Variants in ADAMTS6 observed in about 807,000 individuals in gnomAD.
The protein encoded by ADAMTS6 is A disintegrin and metalloproteinase with thrombospondin motifs 6.
Under a neutral mutation model 144.3 loss-of-function variants are expected in ADAMTS6, and 23 were observed. That is an observed-to-expected ratio of 0.16 (90% CI 0.11 to 0.23). ADAMTS6 has a LOEUF of 0.23. Ranked by LOEUF, ADAMTS6 falls within the 10% of genes least tolerant of loss-of-function variation. The pLI, the probability that ADAMTS6 is intolerant of heterozygous loss-of-function variation, is 1.00. For synonymous variants in ADAMTS6, 444 were observed against 457.5 expected (o/e 0.97, Z 0.38); for missense variants, 999 against 1,379.6 (o/e 0.72, Z 4.37).
At chr5:65,390,558 A>G (rs558885940) in intron 7 of ADAMTS6, among the ~76,000 whole-genome samples, 1 of 152,366 alleles carries the variant, frequency 6.6e-6, no homozygotes, top group South Asian at 2.1e-4. Context: ...AGGCCATTGA[A>G]AAGAATGTAT....
intron 7 of ADAMTS6, among the ~76,000 whole-genome samples, chr5:65,442,674 T>C (rs1025435948): frequency 1.3e-5 from 2 of 152,104 alleles, no homozygotes; most frequent in African/African-American, 4.8e-5. Context: ...TCTAACTATA[T>C]ATATATTTTT....
chr5:65,194,412 G>C (rs1755206697), intron 21 of ADAMTS6, among the ~76,000 whole-genome samples: 1 of 152,186 alleles, frequency 6.6e-6, no homozygotes, highest in African/African-American at 2.4e-5. Flanking sequence ...AGTGTACTGT[G>C]TTGCCAGATG....
intron 12 of ADAMTS6, among the ~76,000 whole-genome samples, chr5:65,265,299 C>T (rs756448151): frequency 6.6e-6 from 1 of 152,030 alleles, no homozygotes; most frequent in Non-Finnish European, 1.5e-5. Flanking sequence ...AGTATCAACC[C>T]TGTGATCAGG....
At chr5:65,186,723 A>G (rs1298586896) in intron 22 of ADAMTS6, among the ~76,000 whole-genome samples, 1 of 152,230 alleles carries the variant, frequency 6.6e-6, no homozygotes, top group East Asian at 1.9e-4. Context: ...AATACCAAGG[A>G]TATCTCTACA....
In ADAMTS6 at chr5:65,175,507, G is replaced by A. The variant is rs527796587; in HGVS notation, c.2911-2499C>T. 6.5e-3 allele frequency among the ~76,000 whole-genome samples: 992 copies of A among 152,216 alleles called. 6 individuals are homozygous for A. The highest frequency in any genetic ancestry group is 0.017 in the Middle Eastern group (5 of 294). On this transcript the variant is annotated intron_variant, in intron 22 of 24. Transcript: ENST00000381055. ...CCCTGTAACACTCTAATACCACTTTGTTGTCAGTGTAAACAAGGGCGTATT... is the reference window on the plus strand; with the variant it reads ...CCCTGTAACACTCTAATACCACTTTATTGTCAGTGTAAACAAGGGCGTATT...
intron 10 of ADAMTS6, among the ~76,000 whole-genome samples, chr5:65,292,846 C>A (rs571172810): frequency 1.4e-5 from 2 of 147,626 alleles, no homozygotes; most frequent in South Asian, 4.2e-4. Flanking sequence ...AGGTATCTAA[C>A]TAACTAACTA....
At chr5:65,277,363 G>T (rs904015918) in intron 11 of ADAMTS6, among the ~76,000 whole-genome samples, 13 of 152,162 alleles carry the variant, frequency 8.5e-5, no homozygotes, top group Non-Finnish European at 1.6e-4. Context: ...CAAATGGCAT[G>T]GATTGGTATT....
At chr5:65,449,634 T>TA (rs1758582506) in intron 7 of ADAMTS6, among the ~76,000 whole-genome samples, 1 of 151,372 alleles carries the variant, frequency 6.6e-6, no homozygotes, top group South Asian at 2.1e-4. Flanking sequence ...AATAAATAAA[T>TA]AAATAAAATA....
At chr5:65,319,920 T>C (rs527670009) in intron 9 of ADAMTS6, among the ~76,000 whole-genome samples, 1 of 152,330 alleles carries the variant, frequency 6.6e-6, no homozygotes, top group African/African-American at 2.4e-5. Flanking sequence ...CTTGGCTCAC[T>C]GCAACCTCTG....
At chr5:65,163,918 T>G (rs574425697) in intron 24 of ADAMTS6, among the ~76,000 whole-genome samples, 3 of 152,336 alleles carry the variant, frequency 2.0e-5, no homozygotes, top group Admixed American at 2.0e-4. Flanking sequence ...AGAAATTACT[T>G]TCATTTAAAT....
At chr5:65,229,815 G>A (rs1453690934) in intron 15 of ADAMTS6, among the ~76,000 whole-genome samples, 1 of 152,038 alleles carries the variant, frequency 6.6e-6, no homozygotes, top group African/African-American at 2.4e-5. Flanking sequence ...GGAATCTTAG[G>A]TGGAAAAGAA....
intron 20 of ADAMTS6, among the ~76,000 whole-genome samples, chr5:65,202,686 T>C (rs1399935055): frequency 6.6e-6 from 1 of 152,212 alleles, no homozygotes; most frequent in Non-Finnish European, 1.5e-5. Flanking sequence ...CTTTTCCTGA[T>C]CCTCACTGAT....
intron 15 of ADAMTS6, among the ~76,000 whole-genome samples, chr5:65,241,509 G>A (rs1759181899): frequency 6.6e-6 from 1 of 152,012 alleles, no homozygotes; most frequent in African/African-American, 2.4e-5. Flanking sequence ...GGGATTACAG[G>A]AATAAGCCAC....
chr5:65,252,156 G>A (rs1227601994), intron 14 of ADAMTS6, among the ~76,000 whole-genome samples: 2 of 151,992 alleles, frequency 1.3e-5, no homozygotes, highest in African/African-American at 4.8e-5. Flanking sequence ...CACATAGGAG[G>A]AATATCAAAG....
chr5:65,171,663 G>GTAC (rs1392534217), intron 23 of ADAMTS6, among the ~76,000 whole-genome samples: 1 of 151,990 alleles, frequency 6.6e-6, no homozygotes, highest in Non-Finnish European at 1.5e-5. Context: ...TATTAGTTCA[G>GTAC]TGTAATAGCA....
chr5:65,203,676 C>T (rs1424428297), intron 20 of ADAMTS6, among the ~76,000 whole-genome samples: 1 of 152,086 alleles, frequency 6.6e-6, no homozygotes, highest in Non-Finnish European at 1.5e-5. Flanking sequence ...TAAAAATCTT[C>T]ATTTTCTTCA....
At chr5:65,338,679 G>A (rs1747540595) in intron 7 of ADAMTS6, among the ~76,000 whole-genome samples, 1 of 151,448 alleles carries the variant, frequency 6.6e-6, no homozygotes, top group African/African-American at 2.4e-5. Context: ...TGAGCCCAGA[G>A]CCAGGAATAT....
chr5:65,246,591 G>A (rs566733973), intron 14 of ADAMTS6, among the ~76,000 whole-genome samples: 75 of 152,144 alleles, frequency 4.9e-4, no homozygotes, highest in Non-Finnish European at 9.0e-4. Flanking sequence ...CATTCAAGTG[G>A]AGAGTGAAAA....
chr5:65,312,202 G>A (rs1744558314), intron 9 of ADAMTS6, among the ~76,000 whole-genome samples: 1 of 151,784 alleles, frequency 6.6e-6, no homozygotes. Flanking sequence ...AAAATGATGA[G>A]ACAATGATAG....
Sources: allele counts gnomAD v4.1 joint callset (sites outside exome capture counted in the v4.1 genomes callset), GRCh38; gene constraint gnomAD v4.1.1; transcripts MANE v1.5; gene names NCBI Gene and HGNC (gene_info 2026-07-23, HGNC 2026-07-21).